SHISA9: variants seen among roughly 807,000 people sequenced by gnomAD.
SHISA9 encodes the protein protein shisa-9.
A neutral mutation model predicts 38.0 loss-of-function variants in SHISA9; 13 were observed. The ratio of observed to expected loss-of-function variants is 0.34; its 90% CI spans 0.22 to 0.54. The LOEUF (loss-of-function observed/expected upper bound fraction) is 0.54. Ranked by LOEUF, SHISA9 falls within the 20% of genes least tolerant of loss-of-function variation. SHISA9 has a pLI of 0.91. For missense variants in SHISA9, 538 were observed against 575.8 expected, an observed-to-expected ratio of 0.93 and a Z score of 0.67; for synonymous variants, 275 against 242.0, an observed-to-expected ratio of 1.14 and a Z score of -1.27.
At chr16:13,308,197 C>A in the SHISA9 span, among the ~76,000 whole-genome samples, 1 of 129,204 alleles carries the variant, frequency 7.7e-6, no homozygotes, top group Non-Finnish European at 1.6e-5. Flanking sequence ...ACGCACACGA[C>A]ATCAAATTGT....
At chr16:13,119,204 C>G (rs898643755) in intron 2 of SHISA9, among the ~76,000 whole-genome samples, 3 of 152,164 alleles carry the variant, frequency 2.0e-5, no homozygotes, top group African/African-American at 7.2e-5. Context: ...AAGCTTCTCC[C>G]TCTCAAGAGG....
the SHISA9 span, among the ~76,000 whole-genome samples, chr16:13,399,516 T>A: frequency 1.3e-5 from 2 of 152,170 alleles, no homozygotes; most frequent in Admixed American, 1.3e-4. Context: ...GGGATGCTTC[T>A]CCTGTGCTTC....
chr16:13,181,312 T>TATATACACAC (rs1555468744), intron 2 of SHISA9, among the ~76,000 whole-genome samples: 1 of 34,102 alleles, frequency 2.9e-5, no homozygotes. Context: ...TATATATATA[T>TATATACACAC]ACACACACAC....
At chr16:13,370,397 A>T in the SHISA9 span, among the ~76,000 whole-genome samples, 1 of 152,234 alleles carries the variant, frequency 6.6e-6, no homozygotes, top group Non-Finnish European at 1.5e-5. Flanking sequence ...GCCTTGGCCC[A>T]AAGACACACA....
Position 13,235,022 on chromosome 16 carries a change from A to G in SHISA9, c.896-8A>G, listed in dbSNP as rs2142089183. On this transcript the variant is annotated splice_region_variant and splice_polypyrimidine_tract_variant and intron_variant, in intron 4 of 4. Coordinates refer to ENST00000558583, the MANE Select transcript of SHISA9 (RefSeq NM_001145204.3). ...TCCCCTTCTTCATCCACCCGTTCCGATGTGTAGCTGACAAGGTCAATGACG... is the reference window on the plus strand; with the variant it reads ...TCCCCTTCTTCATCCACCCGTTCCGGTGTGTAGCTGACAAGGTCAATGACG... The G allele has an allele frequency of 6.5e-7, 1 of 1,534,912 alleles. No homozygotes were observed. Among genetic ancestry groups the G allele is most frequent in the Non-Finnish European group, 8.8e-7 (1 of 1,136,156 alleles).
chr16:13,120,768 T>C (rs2050202054), intron 2 of SHISA9, among the ~76,000 whole-genome samples: 1 of 152,158 alleles, frequency 6.6e-6, no homozygotes, highest in Admixed American at 6.6e-5. Context: ...ACAATACTGT[T>C]AGCGAGGGAA....
At chr16:13,551,924 C>T in the SHISA9 span, among the ~76,000 whole-genome samples, 14 of 151,804 alleles carry the variant, frequency 9.2e-5, no homozygotes, top group African/African-American at 1.5e-4. Flanking sequence ...CTACTGGGGA[C>T]GCTGAGGCAG....
intron 2 of SHISA9, among the ~76,000 whole-genome samples, chr16:12,925,187 C>G (rs549656771): frequency 7.9e-5 from 12 of 151,406 alleles, no homozygotes; most frequent in Non-Finnish European, 1.6e-4. Context: ...TTTGTTATTA[C>G]TAATGTTTCA....
At chr16:13,212,049 G>A (rs933225237) in intron 3 of SHISA9, among the ~76,000 whole-genome samples, 2 of 152,166 alleles carry the variant, frequency 1.3e-5, no homozygotes, top group African/African-American at 4.8e-5. Context: ...ATCCACGGGG[G>A]GGATGTGGCG....
the SHISA9 span, among the ~76,000 whole-genome samples, chr16:13,499,879 G>A: frequency 6.6e-6 from 1 of 152,170 alleles, no homozygotes; most frequent in African/African-American, 2.4e-5. Flanking sequence ...CCCAAACAAA[G>A]AACAATGGTT....
chr16:12,968,189 CAAAAAAAAAAAAA>C (rs200194973), intron 2 of SHISA9, among the ~76,000 whole-genome samples: 24 of 82,046 alleles, frequency 2.9e-4, no homozygotes, highest in African/African-American at 1.0e-3. Context: ...GGCTCCATCT[CAAAAAAAAAAAAA>C]AAAAAAAAAA....
intron 2 of SHISA9, among the ~76,000 whole-genome samples, chr16:13,132,907 G>C (rs2050318247): frequency 6.6e-6 from 1 of 152,170 alleles, no homozygotes; most frequent in African/African-American, 2.4e-5. Flanking sequence ...GACTGGGGTG[G>C]GGCCAGTGGA....
intron 4 of SHISA9, among the ~76,000 whole-genome samples, chr16:13,222,119 G>T (rs2051232109): frequency 6.6e-6 from 1 of 152,070 alleles, no homozygotes; most frequent in Admixed American, 6.6e-5. Flanking sequence ...GATCTCATGA[G>T]ACTTATTCAT....
At chr16:13,038,557 C>A (rs1336143769) in intron 2 of SHISA9, among the ~76,000 whole-genome samples, 1 of 152,220 alleles carries the variant, frequency 6.6e-6, no homozygotes, top group Non-Finnish European at 1.5e-5. Context: ...CTCCTACTGA[C>A]TAGAACGCTT....
the SHISA9 span, among the ~76,000 whole-genome samples, chr16:13,559,875 C>T: frequency 9.2e-5 from 14 of 152,148 alleles, no homozygotes; most frequent in African/African-American, 3.1e-4. Flanking sequence ...GCAGACTGCA[C>T]CTTCAGCTAA....
chr16:13,244,326 A>G (rs1168037961), downstream of SHISA9, among the ~76,000 whole-genome samples: 1 of 152,154 alleles, frequency 6.6e-6, no homozygotes, highest in Non-Finnish European at 1.5e-5. Context: ...GCAGGGGTCC[A>G]CTTATGTGTG....
the SHISA9 span, among the ~76,000 whole-genome samples, chr16:13,533,331 G>GA: frequency 2.0e-5 from 3 of 152,166 alleles, no homozygotes; most frequent in Non-Finnish European, 4.4e-5. Flanking sequence ...TTCTGTGCCT[G>GA]AAGCCTAGGC....
In SHISA9 at chr16:13,187,337, T is replaced by TTC. The variant is rs796238794; in HGVS notation, c.692-16056_692-16055insCT. On this transcript the variant is annotated intron_variant, in intron 2 of 4. Coordinates refer to ENST00000558583, the MANE Select transcript of SHISA9 (RefSeq NM_001145204.3). ...TCTTTTCTTTTCTTTTCTTTTTTTT[T>TTC]TTTTTTTTTTTTTTTGAGGCAGAGT... Among the ~76,000 whole-genome samples the TTC allele has an allele frequency of 3.5e-3, 476 of 137,520 alleles. 4 individuals carry two copies. The highest frequency in any genetic ancestry group is 7.2e-3 in the South Asian group (30 of 4,152). 90.2% of individuals were successfully genotyped at this position (137,520 alleles called of 152,430 possible).
the SHISA9 span, among the ~76,000 whole-genome samples, chr16:13,273,032 G>A: frequency 9.2e-5 from 14 of 152,106 alleles, no homozygotes; most frequent in African/African-American, 3.4e-4. Context: ...TGGAGCAGTG[G>A]CAATGATGTA....
Sources: allele counts gnomAD v4.1 joint callset (sites outside exome capture counted in the v4.1 genomes callset), GRCh38; gene constraint gnomAD v4.1.1; transcripts MANE v1.5; gene names NCBI Gene and HGNC (gene_info 2026-07-23, HGNC 2026-07-21).